ARID3A: variants seen among roughly 807,000 people sequenced by gnomAD.
The protein encoded by ARID3A is AT-rich interactive domain-containing protein 3A.
A neutral mutation model predicts 52.7 loss-of-function variants in ARID3A; 11 were observed. That is an observed-to-expected ratio of 0.21 (90% CI 0.13 to 0.35). The LOEUF is 0.35. Ranked by LOEUF, ARID3A falls within the 10% of genes least tolerant of loss-of-function variation. The pLI is 1.00. For missense variants in ARID3A, 721 were observed against 838.5 expected, an observed-to-expected ratio of 0.86 and a Z score of 1.73; for synonymous variants, 404 against 359.4, an observed-to-expected ratio of 1.12 and a Z score of -1.40.
Position 929,582 on chromosome 19 carries a change from C to A in ARID3A, c.54C>A (p.Arg18=). 6.6e-7 allele frequency: 1 copy of A among 1,523,960 alleles called. No individual in the cohort carries two copies. Among genetic ancestry groups the A allele is most frequent in the Non-Finnish European group, 8.8e-7 (1 of 1,142,218 alleles). The allele number at this position is 1,523,960 out of a possible 1,614,324, so 94.4% of individuals were successfully genotyped here. A position where few individuals can be genotyped will look rare whatever the true frequency, so the allele number is the denominator to read the frequency against. ...ETLLQRQQRA[R]QELEARQQLP... is the part of the protein sequence containing the mutation. ...TGTTGCAGCGGCAGCAGCGGGCGCG[C>A]CAGGAGCTGGAGGCCCGGCAGCAGC... The change falls in exon 2 of 9, where the codon CGC becomes CGA. Residue 18 remains arginine (R), a synonymous_variant. Coordinates refer to ENST00000263620, the MANE Select transcript of ARID3A (RefSeq NM_005224.3). This position sits in a 1 kb window ranked among gnomAD's most constrained non-coding sequence, Gnocchi z 6.2.
intron 3 of ARID3A, among the ~76,000 whole-genome samples, chr19:943,903 C>G (rs1030747134): frequency 2.0e-5 from 3 of 152,112 alleles, no homozygotes; most frequent in Non-Finnish European, 4.4e-5. Flanking sequence ...CAGCCCGACC[C>G]TCTCATGGGC....
chr19:929,907 G>T lies in ARID3A; in HGVS notation c.368+11G>T, dbSNP rs1170137754. 1 of 1,539,052 alleles carries T rather than the reference G, an allele frequency of 6.5e-7. No homozygotes were observed. Among genetic ancestry groups the T allele is most frequent in the Non-Finnish European group, 8.7e-7 (1 of 1,146,758 alleles). On this transcript the variant is annotated intron_variant, in intron 2 of 8. Transcript: ENST00000263620. The surrounding 1 kb of genome is among the most constrained non-coding windows in gnomAD (Gnocchi z 6.2). Reference sequence around the variant, plus strand: ...CTCCGACGAGGACATGTGAGTTGGGGTCTGGGGCAGGGCCTTCTGGGGGCT... The same window carrying T: ...CTCCGACGAGGACATGTGAGTTGGGTTCTGGGGCAGGGCCTTCTGGGGGCT...
At position 972,066 on chromosome 19, in the gene ARID3A, C is replaced by A; in HGVS notation, c.*1C>A. The A allele has an allele frequency of 6.5e-7, 1 of 1,529,548 alleles. No homozygotes were observed. The allele number at this position is 1,529,548 out of a possible 1,614,324, so 94.7% of individuals were successfully genotyped here. On this transcript the variant is annotated 3_prime_UTR_variant, in exon 9 of 9. Coordinates refer to ENST00000263620, the MANE Select transcript of ARID3A (RefSeq NM_005224.3). ...TACCTCAAATAACTCGTTGCCTTAA[C>A]CGCATCACTCCCCACCCGCCACCCA...
At position 972,059 on chromosome 19, in the gene ARID3A, G is replaced by A. The variant is rs2038288379; in HGVS notation, c.1776G>A (p.Leu592=). The A allele has an allele frequency of 1.9e-6, 3 of 1,544,270 alleles. No individual in the cohort carries two copies. Among genetic ancestry groups the A allele is most frequent in the Non-Finnish European group, 2.6e-6 (3 of 1,147,690 alleles). ...TPSTSTSNNS[L]P Reference sequence around the variant, plus strand: ...CCACATCTACCTCAAATAACTCGTTGCCTTAACCGCATCACTCCCCACCCG... The same window carrying A: ...CCACATCTACCTCAAATAACTCGTTACCTTAACCGCATCACTCCCCACCCG... Residue 592 remains leucine, a synonymous_variant, in exon 9 of 9, where the codon TTG becomes TTA. Transcript: ENST00000263620.
Position 929,963 on chromosome 19 carries a change from C to G in ARID3A, c.368+67C>G. 6.6e-7 allele frequency: 1 copy of G among 1,524,666 alleles called. No homozygotes were observed. Among genetic ancestry groups the G allele is most frequent in the South Asian group, 1.2e-5 (1 of 83,228 alleles). The allele number at this position is 1,524,666 out of a possible 1,614,324, so 94.4% of individuals were successfully genotyped here. On this transcript the variant is annotated intron_variant, in intron 2 of 8. Transcript: ENST00000263620. The surrounding 1 kb of genome is among the most constrained non-coding windows in gnomAD (Gnocchi z 6.2). ...TGGCTCTGAGTGTCACTCTGCTCATCTGCAGAATGGGAGTAAGGGTCAGGT... is the reference window on the plus strand; with the variant it reads ...TGGCTCTGAGTGTCACTCTGCTCATGTGCAGAATGGGAGTAAGGGTCAGGT...
chr19:927,020 C>A (rs1238862825), intron 1 of ARID3A, among the ~76,000 whole-genome samples: 1 of 151,976 alleles, frequency 6.6e-6, no homozygotes, highest in African/African-American at 2.4e-5. Flanking sequence ...CTTTCTTAGC[C>A]CCCTCCCCAG....
At chr19:962,479 C>T (rs927693077) in intron 4 of ARID3A, among the ~76,000 whole-genome samples, 21 of 145,860 alleles carry the variant, frequency 1.4e-4, no homozygotes, top group African/African-American at 5.0e-4. Context: ...AGAGCCAGGG[C>T]GTGGCCCTGG....
chr19:961,192 T>C (rs1051091447), intron 4 of ARID3A, among the ~76,000 whole-genome samples: 2 of 152,184 alleles, frequency 1.3e-5, no homozygotes, highest in East Asian at 1.9e-4. Flanking sequence ...GCTCTGTCCC[T>C]GCACTTGGGG....
In ARID3A at chr19:974,298, G is replaced by T. The variant is rs1278823899; in HGVS notation, c.*2233G>T. ...ACACACACCCCCTTTCCAGGAGGGG[G>T]TGGTGGGCGTCTAGGTTTTCCTTGT... On this transcript the variant is annotated 3_prime_UTR_variant, in exon 9 of 9. Transcript: ENST00000263620. 2 of 228,466 alleles carry T rather than the reference G, an allele frequency of 8.8e-6. No homozygotes were observed. Among genetic ancestry groups the T allele is most frequent in the Non-Finnish European group, 1.7e-5 (2 of 115,094 alleles). 14.2% of individuals were successfully genotyped at this position (228,466 alleles called of 1,614,324 possible).
At chr19:933,056 G>A (rs893347677) in intron 3 of ARID3A, among the ~76,000 whole-genome samples, 19 of 152,142 alleles carry the variant, frequency 1.2e-4, no homozygotes, top group African/African-American at 3.9e-4. Context: ...GGCTGGCGCC[G>A]GCCCGAGCTG....
At position 965,089 on chromosome 19, in the gene ARID3A, C is replaced by G. The variant is rs372797775; in HGVS notation, c.1198+9C>G. 7 of 1,599,524 alleles carry G rather than the reference C, an allele frequency of 4.4e-6. No individual in the cohort carries two copies. Among genetic ancestry groups the G allele is most frequent in the East Asian group, 2.2e-5 (1 of 44,632 alleles). ...CCCTAAGATCAAGAAAGGTAAGGGC[C>G]TGTATGGGGCCTGGGGCGTGTTCCC... On this transcript the variant is annotated intron_variant, in intron 6 of 8. Coordinates refer to ENST00000263620, the MANE Select transcript of ARID3A (RefSeq NM_005224.3).
At position 972,002 on chromosome 19, in the gene ARID3A, C is replaced by A. The variant is rs1464859307; in HGVS notation, c.1719C>A (p.Gly573=). Reference sequence around the variant, plus strand: ...GAGGAAACACCGGAACCAGCGGCGGCCAGGCTGGGCCAGCGGGGCTGTCCA... The same window carrying A: ...GAGGAAACACCGGAACCAGCGGCGGACAGGCTGGGCCAGCGGGGCTGTCCA... The part of the protein sequence containing the change: ...GRGGNTGTSG[G]QAGPAGLSTP... Residue 573 remains glycine (G), a synonymous_variant, in exon 9 of 9, where the codon GGC becomes GGA. Transcript: ENST00000263620. 5.6e-6 allele frequency: 9 copies of A among 1,600,044 alleles called. No homozygotes were observed. Among genetic ancestry groups the A allele is most frequent in the Non-Finnish European group, 7.7e-6 (9 of 1,174,324 alleles).
chr19:963,439 G>A (rs2038084370), intron 4 of ARID3A, among the ~76,000 whole-genome samples: 1 of 152,224 alleles, frequency 6.6e-6, no homozygotes, highest in Non-Finnish European at 1.5e-5. Context: ...CTACTGTCAG[G>A]CCAGGGAGGG....
In ARID3A at chr19:929,453, G is replaced by GGC; in HGVS notation, c.-76_-75insGC. ...GCGGCCGGGCCCCCTCCCCGCAGGG[G>GGC]CCGCCCCCGCCGCCCACCCCTAGCG... On this transcript the variant is annotated 5_prime_UTR_variant, in exon 2 of 9. Coordinates refer to ENST00000263620, the MANE Select transcript of ARID3A (RefSeq NM_005224.3). This position sits in a 1 kb window ranked among gnomAD's most constrained non-coding sequence, Gnocchi z 6.2. The GGC allele has an allele frequency of 7.6e-7, 1 of 1,323,622 alleles. No homozygotes were observed. Among genetic ancestry groups the GGC allele is most frequent in the Non-Finnish European group, 9.7e-7 (1 of 1,034,040 alleles). 82.0% of individuals were successfully genotyped at this position (1,323,622 alleles called of 1,614,324 possible). A position where few individuals can be genotyped will look rare whatever the true frequency, so the allele number is the denominator to read the frequency against.
rs1417913163 is a variant in ARID3A at position 968,516 on chromosome 19, AGG to A, written c.1594+14_1594+15del. On this transcript the variant is annotated intron_variant, in intron 8 of 8. Coordinates refer to ENST00000263620, the MANE Select transcript of ARID3A (RefSeq NM_005224.3). ...ATCATGTACACAGGTAGGACCCCTG[AGG>A]CCACGCCCTGCCTGGACCTCGCCTC... The A allele has an allele frequency of 6.2e-7, 1 of 1,612,580 alleles. No homozygotes were observed. The highest frequency in any genetic ancestry group is 1.1e-5 in the South Asian group (1 of 91,024).
rs2037573388 is a variant in ARID3A at position 942,304 on chromosome 19, T to C, written c.693+9562T>C. Among the ~76,000 whole-genome samples the C allele has an allele frequency of 1.3e-5, 2 of 152,144 alleles. No individual in the cohort carries two copies. The highest frequency in any genetic ancestry group is 2.9e-5 in the Non-Finnish European group (2 of 68,008). ...AAATTACCTGACTGTCGATCCTGAC[T>C]GGGGCGGTGGCGACATGGCCCCCGC... is the stretch of plus-strand genomic sequence containing the variant. On this transcript the variant is annotated intron_variant, in intron 3 of 8. Transcript: ENST00000263620. This position sits in a 1 kb window ranked among gnomAD's most constrained non-coding sequence, Gnocchi z 8.1.
chr19:953,088 G>C (rs1169358640), intron 3 of ARID3A, among the ~76,000 whole-genome samples: 1 of 151,994 alleles, frequency 6.6e-6, no homozygotes, highest in Admixed American at 6.5e-5. Flanking sequence ...CCCAGAGCCG[G>C]TGGGCTGGGG....
chr19:933,173 C>G (rs377458703), intron 3 of ARID3A, among the ~76,000 whole-genome samples: 1 of 152,018 alleles, frequency 6.6e-6, no homozygotes, highest in Non-Finnish European at 1.5e-5. Context: ...TGTGGAGAGC[C>G]GTGGGGGGTT....
At position 942,674 on chromosome 19, in the gene ARID3A, C is replaced by T. The variant is rs1299635560; in HGVS notation, c.693+9932C>T. On this transcript the variant is annotated intron_variant, in intron 3 of 8. Coordinates refer to ENST00000263620, the MANE Select transcript of ARID3A (RefSeq NM_005224.3). This position sits in a 1 kb window ranked among gnomAD's most constrained non-coding sequence, Gnocchi z 8.1. ...CCGCCCCTCCCACTGCCCCGCAGGC[C>T]CTGGTTCTGGCCAGGCTCAGGAAGT... is the stretch of plus-strand genomic sequence containing the variant. Among the ~76,000 whole-genome samples, 1 of 152,214 alleles carries T rather than the reference C, an allele frequency of 6.6e-6. No homozygotes were observed. The highest frequency in any genetic ancestry group is 1.5e-5 in the Non-Finnish European group (1 of 68,036).
Sources: allele counts gnomAD v4.1 joint callset (sites outside exome capture counted in the v4.1 genomes callset), GRCh38; gene constraint gnomAD v4.1.1; non-coding constraint Gnocchi (gnomAD v3.1); transcripts MANE v1.5; gene names NCBI Gene and HGNC (gene_info 2026-07-23, HGNC 2026-07-21).